The following GMDS variants were observed in gnomAD, a reference collection of about 807,000 sequenced individuals.
GMDS encodes the protein GDP-mannose 4,6-dehydratase.
In GMDS, 20 loss-of-function variants were observed where a neutral mutation model predicts 49.9. The ratio of observed to expected loss-of-function variants is 0.40; its 90% CI spans 0.28 to 0.58. GMDS has a LOEUF of 0.58. Among genes scored for constraint, GMDS ranks in the 20% least tolerant of loss-of-function variants. The pLI, the probability that GMDS is intolerant of heterozygous loss-of-function variation, is 0.42. For missense variants in GMDS, 362 were observed against 481.4 expected (o/e 0.75, Z 2.32); for synonymous variants, 177 against 178.6 (o/e 0.99, Z 0.07).
At chr6:1,862,111 A>T (rs978202915) in intron 7 of GMDS, among the ~76,000 whole-genome samples, 2 of 152,210 alleles carry the variant, frequency 1.3e-5, no homozygotes, top group Non-Finnish European at 2.9e-5. Context: ...ACAGACAATA[A>T]CTAGAACAGG....
intron 7 of GMDS, among the ~76,000 whole-genome samples, chr6:1,910,186 T>C (rs761545622): frequency 1.3e-5 from 2 of 151,916 alleles, no homozygotes; most frequent in Non-Finnish European, 2.9e-5. Context: ...ATATAACATA[T>C]GGCATGCATG....
At position 1,766,161 on chromosome 6, in the gene GMDS, ACT is replaced by A. The variant is rs1253022523; in HGVS notation, c.772-23577_772-23576del. Reference sequence around the variant, plus strand: ...CGCTGCCCGTCTGTTTAAATGTAATACTCTTTCAGTGCATCAAGATACCTGAT... The same window carrying A: ...CGCTGCCCGTCTGTTTAAATGTAATACTTTCAGTGCATCAAGATACCTGAT... On this transcript the variant is annotated intron_variant, in intron 7 of 10. Transcript: ENST00000380815. This position sits in a 1 kb window ranked among gnomAD's most constrained non-coding sequence, Gnocchi z 4.5. Among the ~76,000 whole-genome samples the A allele has an allele frequency of 6.6e-6, 1 of 152,012 alleles. No homozygotes were observed. Among genetic ancestry groups the A allele is most frequent in the African/African-American group, 2.4e-5 (1 of 41,378 alleles).
chr6:2,156,473 A>G (rs1021581631), intron 1 of GMDS, among the ~76,000 whole-genome samples: 8 of 152,214 alleles, frequency 5.3e-5, no homozygotes, highest in Admixed American at 6.5e-5. Flanking sequence ...AAGAAAACAA[A>G]AGAGAATCAG....
At chr6:2,232,154 G>C (rs1359131316) in intron 1 of GMDS, among the ~76,000 whole-genome samples, 1 of 94,650 alleles carries the variant, frequency 1.1e-5, no homozygotes, top group Non-Finnish European at 1.8e-5. Flanking sequence ...TGTGTAAAAC[G>C]GGTTTTTTTT....
chr6:1,647,676 T>C (rs777838208), intron 9 of GMDS, among the ~76,000 whole-genome samples: 1 of 151,958 alleles, frequency 6.6e-6, no homozygotes, highest in African/African-American at 2.4e-5. Context: ...GGAAGGAAAG[T>C]AGGAAAGGGT....
chr6:1,700,434 G>C (rs1765502267), intron 9 of GMDS, among the ~76,000 whole-genome samples: 1 of 152,182 alleles, frequency 6.6e-6, no homozygotes, highest in Non-Finnish European at 1.5e-5. Flanking sequence ...CAGGAGGGAA[G>C]GGAGAGCCTG....
intron 1 of GMDS, among the ~76,000 whole-genome samples, chr6:2,149,732 G>A (rs116706763): frequency 0.016 from 2,501 of 152,218 alleles, 57 homozygotes; most frequent in African/African-American, 0.056. Flanking sequence ...TCTACAACAC[G>A]CCTCCAGCTT....
Position 2,065,433 on chromosome 6 carries a change from G to C in GMDS, c.345+50338C>G, listed in dbSNP as rs144686111. Among the ~76,000 whole-genome samples, 1,265 of 152,338 alleles carry C rather than the reference G, an allele frequency of 8.3e-3. 14 individuals carry two copies. Among genetic ancestry groups the C allele is most frequent in the African/African-American group, 0.027 (1,121 of 41,584 alleles). On this transcript the variant is annotated intron_variant, in intron 4 of 10. Coordinates refer to ENST00000380815, the MANE Select transcript of GMDS (RefSeq NM_001500.4). ...ACAAAGCTGGATGGAGAATGACTTT[G>C]ACGAGCTGAGAGAAGGCTTCAGACG...
intron 7 of GMDS, among the ~76,000 whole-genome samples, chr6:1,893,218 G>C (rs1759967269): frequency 6.8e-6 from 1 of 146,546 alleles, no homozygotes; most frequent in Non-Finnish European, 1.5e-5. Flanking sequence ...TTTTGAGACG[G>C]AGTCTGACTC....
intron 1 of GMDS, among the ~76,000 whole-genome samples, chr6:2,225,243 T>C (rs1780764301): frequency 6.6e-6 from 1 of 151,920 alleles, no homozygotes; most frequent in Non-Finnish European, 1.5e-5. Flanking sequence ...GGCAGAAGTA[T>C]TGTCTGAGCT....
chr6:1,743,111 A>G (rs751390846), intron 7 of GMDS, among the ~76,000 whole-genome samples: 31 of 152,226 alleles, frequency 2.0e-4, no homozygotes, highest in Non-Finnish European at 2.9e-4. Context: ...AAAACAAAGT[A>G]AGTGCGAATC....
At chr6:2,116,568 C>G (rs1358730885) in intron 3 of GMDS, among the ~76,000 whole-genome samples, 2 of 152,188 alleles carry the variant, frequency 1.3e-5, no homozygotes, top group African/African-American at 4.8e-5. Context: ...TTTTCAAAGA[C>G]AACACACTTC....
intron 1 of GMDS, among the ~76,000 whole-genome samples, chr6:2,229,909 C>G (rs1780999590): frequency 6.6e-6 from 1 of 152,204 alleles, no homozygotes; most frequent in Non-Finnish European, 1.5e-5. Context: ...AAGGCTTATT[C>G]CTGCCTAGAG....
chr6:1,683,611 G>A (rs1324886538), intron 9 of GMDS, among the ~76,000 whole-genome samples: 1 of 152,236 alleles, frequency 6.6e-6, no homozygotes, highest in Non-Finnish European at 1.5e-5. Flanking sequence ...TTTCAAGGAT[G>A]AGGATCGGTT....
intron 4 of GMDS, among the ~76,000 whole-genome samples, chr6:2,077,754 T>C (rs1372273484): frequency 2.0e-5 from 3 of 152,104 alleles, no homozygotes; most frequent in Non-Finnish European, 4.4e-5. Context: ...TTTTTTTGTG[T>C]GTCCTTGTCT....
intron 7 of GMDS, among the ~76,000 whole-genome samples, chr6:1,881,477 G>A (rs563857011): frequency 6.6e-6 from 1 of 152,152 alleles, no homozygotes; most frequent in Non-Finnish European, 1.5e-5. Flanking sequence ...TAAGGATTTT[G>A]AACTGCCTAA....
intron 7 of GMDS, among the ~76,000 whole-genome samples, chr6:1,906,658 C>A (rs913597995): frequency 6.6e-6 from 1 of 152,136 alleles, no homozygotes; most frequent in Non-Finnish European, 1.5e-5. Flanking sequence ...ATTCACAAGA[C>A]CTGTGAAGCC....
At chr6:1,846,773 G>C (rs570815112) in intron 7 of GMDS, among the ~76,000 whole-genome samples, 8 of 152,348 alleles carry the variant, frequency 5.3e-5, no homozygotes, top group South Asian at 2.1e-4. Context: ...GTACCGGAAA[G>C]CAAAGCCTCA....
intron 7 of GMDS, among the ~76,000 whole-genome samples, chr6:1,915,072 C>T (rs9503046): frequency 0.026 from 3,941 of 152,306 alleles, 155 homozygotes; most frequent in African/African-American, 0.086. Context: ...GCCTCGCATG[C>T]CCTTAGACCT....
Sources: gnomAD v4.1 joint callset for allele counts (sites outside exome capture counted in the v4.1 genomes callset) on GRCh38, gnomAD v4.1.1 for gene constraint, Gnocchi (gnomAD v3.1) non-coding constraint, MANE v1.5 for transcripts, NCBI Gene and HGNC (gene_info 2026-07-23, HGNC 2026-07-21) for gene names.